The following GABRG3 variants were observed in gnomAD, a reference collection of about 807,000 sequenced individuals.
GABRG3 encodes the protein gamma-aminobutyric acid type A receptor subunit gamma3, also known as gamma-aminobutyric acid receptor subunit gamma-3.
GABRG3 carries 25 observed loss-of-function variants against 48.8 expected under a neutral mutation model. That is an observed-to-expected ratio of 0.51 (90% confidence interval 0.37 to 0.72). The LOEUF is 0.72. Among genes scored for constraint, GABRG3 ranks in the 30% least tolerant of loss-of-function variants. The pLI is 0.00. For missense variants in GABRG3, 394 were observed against 577.9 expected, an observed-to-expected ratio of 0.68 and a Z score of 3.26; for synonymous variants, 227 against 217.6, an observed-to-expected ratio of 1.04 and a Z score of -0.38.
intron 2 of GABRG3, among the ~76,000 whole-genome samples, chr15:27,017,786 T>G (rs1465225668): frequency 2.6e-5 from 4 of 152,134 alleles, no homozygotes; most frequent in Non-Finnish European, 1.5e-5. Flanking sequence ...ACAGAGGCAG[T>G]TGGTCTGTAT....
chr15:27,309,213 A>G (rs1237627613), intron 3 of GABRG3, among the ~76,000 whole-genome samples: 2 of 93,938 alleles, frequency 2.1e-5, no homozygotes, highest in Non-Finnish European at 4.8e-5. Flanking sequence ...AGATGTTTGT[A>G]TAGAAACATA....
chr15:27,096,910 G>A (rs1228562123), intron 3 of GABRG3, among the ~76,000 whole-genome samples: 1 of 145,512 alleles, frequency 6.9e-6, no homozygotes, highest in East Asian at 2.0e-4. Flanking sequence ...GCCCAATCTC[G>A]GCTCACTGCA....
chr15:27,121,475 A>G (rs1897730587), intron 3 of GABRG3, among the ~76,000 whole-genome samples: 1 of 152,188 alleles, frequency 6.6e-6, no homozygotes, highest in South Asian at 2.1e-4. Flanking sequence ...TATTCAGTCA[A>G]TAGCTATATG....
intron 3 of GABRG3, among the ~76,000 whole-genome samples, chr15:27,320,850 ATAAT>A (rs2140514438): frequency 6.6e-6 from 1 of 152,366 alleles, no homozygotes; most frequent in South Asian, 2.1e-4. Context: ...ATTCATATTA[ATAAT>A]TTATATTAAT....
At chr15:27,106,681 C>A (rs190329413) in intron 3 of GABRG3, among the ~76,000 whole-genome samples, 133 of 151,882 alleles carry the variant, frequency 8.8e-4, no homozygotes, top group African/African-American at 2.9e-3. Context: ...TTTAGCAGGA[C>A]TGACAAAAAT....
intron 3 of GABRG3, among the ~76,000 whole-genome samples, chr15:27,221,859 G>A (rs531468807): frequency 2.0e-5 from 3 of 152,236 alleles, no homozygotes; most frequent in Middle Eastern, 3.4e-3. Context: ...TGAAGATGCT[G>A]TTTTCTATCT....
At chr15:27,420,290 AT>A (rs1275562529) in intron 5 of GABRG3, among the ~76,000 whole-genome samples, 2 of 152,240 alleles carry the variant, frequency 1.3e-5, no homozygotes, top group Non-Finnish European at 2.9e-5. Flanking sequence ...AGAAGAAAAT[AT>A]GCTATCAAAT....
chr15:27,102,706 A>G (rs1212542638), intron 3 of GABRG3, among the ~76,000 whole-genome samples: 3 of 152,220 alleles, frequency 2.0e-5, no homozygotes, highest in Non-Finnish European at 2.9e-5. Context: ...CAGTATTTCC[A>G]CCATATAATT....
At chr15:27,306,748 A>G (rs867565075) in intron 3 of GABRG3, among the ~76,000 whole-genome samples, 4 of 124,512 alleles carry the variant, frequency 3.2e-5, no homozygotes, top group African/African-American at 1.3e-4. Context: ...TATACAATAT[A>G]AACATGTTTA....
At position 27,028,702 on chromosome 15, in the gene GABRG3, A is replaced by G. The variant is rs184736465; in HGVS notation, c.270+1881A>G. 1.5e-3 allele frequency among the ~76,000 whole-genome samples: 224 copies of G among 150,428 alleles called. 2 individuals carry two copies. The highest frequency in any genetic ancestry group is 5.0e-3 in the African/African-American group (206 of 40,960). On this transcript the variant is annotated intron_variant, in intron 3 of 9. Transcript: ENST00000615808. ...GCGCCTGTAGTCTCAGCTACTCGAG[A>G]GGCTGAGGCAGAAGAATCGCTTGAA...
chr15:27,250,036 CT>C (rs1225120304), intron 3 of GABRG3, among the ~76,000 whole-genome samples: 1 of 152,222 alleles, frequency 6.6e-6, no homozygotes, highest in Non-Finnish European at 1.5e-5. Context: ...AGCATTGCGT[CT>C]GTGTGTCCTC....
At chr15:27,353,615 C>G (rs565869302) in intron 5 of GABRG3, among the ~76,000 whole-genome samples, 1 of 151,830 alleles carries the variant, frequency 6.6e-6, no homozygotes, top group East Asian at 2.0e-4. Flanking sequence ...GGCTAATTTT[C>G]ATATTTTTAT....
intron 3 of GABRG3, among the ~76,000 whole-genome samples, chr15:27,253,873 G>C (rs991835731): frequency 2.6e-5 from 4 of 152,222 alleles, no homozygotes; most frequent in African/African-American, 9.6e-5. Flanking sequence ...TCTCGCAGTA[G>C]CTCAATTTCA....
intron 3 of GABRG3, among the ~76,000 whole-genome samples, chr15:27,177,670 G>T (rs1887789369): frequency 6.6e-6 from 1 of 152,180 alleles, no homozygotes; most frequent in Non-Finnish European, 1.5e-5. Flanking sequence ...GATTTCTCTT[G>T]CTGTTATAAT....
At chr15:27,316,370 A>C (rs1893222275) in intron 3 of GABRG3, among the ~76,000 whole-genome samples, 1 of 144,740 alleles carries the variant, frequency 6.9e-6, no homozygotes, top group South Asian at 2.2e-4. Context: ...CCTGGGCGAC[A>C]GAGCGAGACT....
In GABRG3 at chr15:27,511,197, C is replaced by T. The variant is rs561968725; in HGVS notation, c.713-8775C>T. Among the ~76,000 whole-genome samples, 32 of 152,286 alleles carry T rather than the reference C, an allele frequency of 2.1e-4. 1 individual carries two copies. The South Asian group carries it at 5.2e-3, about 25-fold the overall frequency. Reference sequence around the variant, plus strand: ...ACTAAATTAAAAGAAGCACCAAAAGCGCATGGAATTATCTACAATTCTTTT... The same window carrying T: ...ACTAAATTAAAAGAAGCACCAAAAGTGCATGGAATTATCTACAATTCTTTT... On this transcript the variant is annotated intron_variant, in intron 6 of 9. Transcript: ENST00000615808.
At chr15:27,216,444 C>G (rs562962848) in intron 3 of GABRG3, among the ~76,000 whole-genome samples, 2 of 152,280 alleles carry the variant, frequency 1.3e-5, no homozygotes, top group Non-Finnish European at 2.9e-5. Context: ...AGTGGGCATT[C>G]CACAGCTACA....
intron 5 of GABRG3, among the ~76,000 whole-genome samples, chr15:27,347,898 T>TC (rs1894429612): frequency 1.3e-5 from 2 of 152,282 alleles, no homozygotes; most frequent in South Asian, 4.1e-4. Context: ...AGGGGGGGTT[T>TC]CCCTGTGGTT....
intron 3 of GABRG3, among the ~76,000 whole-genome samples, chr15:27,313,456 A>G (rs1254089226): frequency 6.6e-6 from 1 of 150,738 alleles, no homozygotes; most frequent in African/African-American, 2.4e-5. Context: ...ACAAAGGAAT[A>G]ATAGACTTAA....
Sources: allele counts gnomAD v4.1 joint callset (sites outside exome capture counted in the v4.1 genomes callset), GRCh38; gene constraint gnomAD v4.1.1; transcripts MANE v1.5; gene names NCBI Gene and HGNC (gene_info 2026-07-23, HGNC 2026-07-21).